HGSNAT: variants seen among roughly 807,000 people sequenced by gnomAD.
HGSNAT encodes transmembrane protein 76.
Under a neutral mutation model 85.2 loss-of-function variants are expected in HGSNAT, and 59 were observed. The observed-to-expected ratio is 0.69, with a 90% CI of 0.56 to 0.86. HGSNAT has a LOEUF of 0.86. HGSNAT is among the 40% of genes least tolerant of loss of function. The pLI is 0.00. For missense variants in HGSNAT, 756 were observed against 777.1 expected (o/e 0.97, Z 0.32); for synonymous variants, 321 against 304.5 (o/e 1.05, Z -0.56).
intron 1 of HGSNAT, among the ~76,000 whole-genome samples, chr8:43,142,311 G>A (rs896637180): frequency 8.5e-5 from 13 of 152,178 alleles, no homozygotes; most frequent in Admixed American, 3.3e-4. Context: ...CGCTCTGGGG[G>A]TATTGCCCTG....
chr8:43,147,610 G>A (rs1802759164), intron 2 of HGSNAT, among the ~76,000 whole-genome samples: 1 of 152,178 alleles, frequency 6.6e-6, no homozygotes. Context: ...CAACATGGAT[G>A]CAGTTGGAGG....
At chr8:43,192,582 T>C (rs1284350665) in intron 13 of HGSNAT, among the ~76,000 whole-genome samples, 152 bp downstream of exon 13, 3 of 152,130 alleles carry the variant, frequency 2.0e-5, no homozygotes, top group East Asian at 3.9e-4. Flanking sequence ...TTAATGACTT[T>C]AGGGATCACT....
intron 4 of HGSNAT, 36 bp downstream of exon 4, chr8:43,159,080 AT>A: frequency 6.3e-7 from 1 of 1,592,230 alleles, no homozygotes; most frequent in Admixed American, 1.7e-5. Context: ...TCACATTTGC[AT>A]TTTCAGAGGT....
At chr8:43,176,164 A>G (rs1803803237) in intron 9 of HGSNAT, among the ~76,000 whole-genome samples, 1 of 152,030 alleles carries the variant, frequency 6.6e-6, no homozygotes, top group African/African-American at 2.4e-5. Flanking sequence ...TTCTCTTAGT[A>G]GTTTCATAGT....
chr8:43,175,577 T>C (rs1274226119), intron 9 of HGSNAT, among the ~76,000 whole-genome samples: 24 of 146,836 alleles, frequency 1.6e-4, no homozygotes, highest in Admixed American at 1.6e-3. Context: ...TTTTTTTTTT[T>C]TTTTTCAAGA....
chr8:43,180,102 ACCC>A (rs1226414577), intron 10 of HGSNAT, among the ~76,000 whole-genome samples: 1 of 10,764 alleles, frequency 9.3e-5, no homozygotes, highest in Non-Finnish European at 1.6e-4. Flanking sequence ...CGGCTGGCCG[ACCC>A]CCCCCCCCAC....
intron 14 of HGSNAT, chr8:43,194,366 C>G: frequency 1.0e-6 from 1 of 983,512 alleles, no homozygotes; most frequent in African/African-American, 1.7e-5. Flanking sequence ...CCACTGCACT[C>G]CTGGCTGGGC....
intron 1 of HGSNAT, among the ~76,000 whole-genome samples, chr8:43,143,891 G>C (rs757588783): frequency 2.6e-5 from 4 of 151,860 alleles, no homozygotes; most frequent in Non-Finnish European, 5.9e-5. Context: ...GTGGTTCTTT[G>C]GTAAGTGTGG....
At chr8:43,163,795 C>T (rs914205466) in intron 5 of HGSNAT, among the ~76,000 whole-genome samples, 1 of 152,136 alleles carries the variant, frequency 6.6e-6, no homozygotes, top group Non-Finnish European at 1.5e-5. Flanking sequence ...GGATTACAGG[C>T]GTGAGCCACC....
chr8:43,170,035 G>A (rs900487252), intron 6 of HGSNAT, among the ~76,000 whole-genome samples: 10 of 152,128 alleles, frequency 6.6e-5, no homozygotes, highest in African/African-American at 2.4e-4. Flanking sequence ...TGCCCAGGCT[G>A]GTCTCAAACT....
chr8:43,192,065 A>T (rs1390925257), intron 12 of HGSNAT, among the ~76,000 whole-genome samples: 1 of 152,072 alleles, frequency 6.6e-6, no homozygotes. Context: ...AGTAGCTGGG[A>T]TTACAGGCGC....
intron 17 of HGSNAT, among the ~76,000 whole-genome samples, chr8:43,198,751 C>A (rs11989793): frequency 0.034 from 5,103 of 152,230 alleles, 301 homozygotes; most frequent in African/African-American, 0.12. Context: ...CATTTCAATG[C>A]CTCATTTCAG....
chr8:43,164,324 T>C (rs887070949), intron 5 of HGSNAT, among the ~76,000 whole-genome samples: 6 of 152,198 alleles, frequency 3.9e-5, no homozygotes, highest in Non-Finnish European at 5.9e-5. Flanking sequence ...TTCACAGATA[T>C]TGCATGTTTT....
At chr8:43,155,306 T>C (rs1358459591) in intron 2 of HGSNAT, among the ~76,000 whole-genome samples, 1 of 152,186 alleles carries the variant, frequency 6.6e-6, no homozygotes, top group Non-Finnish European at 1.5e-5. Flanking sequence ...CTTATTGTGG[T>C]TTTGATTTAC....
In HGSNAT at chr8:43,199,644, G is replaced by A; in HGVS notation, c.*75G>A. The A allele has an allele frequency of 1.7e-6, 2 of 1,166,660 alleles. No individual in the cohort carries two copies. Among genetic ancestry groups the A allele is most frequent in the Non-Finnish European group, 1.2e-6 (1 of 865,494 alleles). The allele number at this position is 1,166,660 out of a possible 1,614,324, so 72.3% of individuals were successfully genotyped here. A position where few individuals can be genotyped will look rare whatever the true frequency, so the allele number is the denominator to read the frequency against. On this transcript the variant is annotated 3_prime_UTR_variant, in exon 18 of 18. Transcript: ENST00000379644. ...AGGACTGAAGCAGCCTTTGTTAAAG[G>A]GAAGCATTCATTAGGAAATTGACTG...
intron 10 of HGSNAT, among the ~76,000 whole-genome samples, chr8:43,180,051 C>G (rs74450235): frequency 0.66 from 33,346 of 50,630 alleles, 13,028 homozygotes; most frequent in Non-Finnish European, 0.83. Flanking sequence ...GGCGGCTGGC[C>G]GGGCGGGGGG....
chr8:43,167,446 A>G (rs1198977867), intron 5 of HGSNAT, among the ~76,000 whole-genome samples: 5 of 152,252 alleles, frequency 3.3e-5, no homozygotes, highest in African/African-American at 1.2e-4. Flanking sequence ...ATCCTCCACC[A>G]GCAAAAAGAT....
At chr8:43,163,052 G>A (rs1175642610) in intron 5 of HGSNAT, among the ~76,000 whole-genome samples, 2 of 152,104 alleles carry the variant, frequency 1.3e-5, no homozygotes, top group African/African-American at 4.8e-5. Flanking sequence ...AAGTGTGATG[G>A]TGGGTGCCTG....
Position 43,161,522 on chromosome 8 carries a change from G to A in HGSNAT, c.563+15G>A. ...CTCTTGTTGAGGTAAGATATTTGGGGAGGACGCCACTGGAAAGGCAGAGTA... is the reference window on the plus strand; with the variant it reads ...CTCTTGTTGAGGTAAGATATTTGGGAAGGACGCCACTGGAAAGGCAGAGTA... On this transcript the variant is annotated intron_variant, in intron 5 of 17. Transcript: ENST00000379644. 6.3e-7 allele frequency: 1 copy of A among 1,590,776 alleles called. No individual in the cohort carries two copies. The highest frequency in any genetic ancestry group is 8.6e-7 in the Non-Finnish European group (1 of 1,167,814).
Sources: allele counts gnomAD v4.1 joint callset (sites outside exome capture counted in the v4.1 genomes callset), GRCh38; gene constraint gnomAD v4.1.1; transcripts MANE v1.5; gene names NCBI Gene and HGNC (gene_info 2026-07-23, HGNC 2026-07-21).